Variants in ASAP3 observed in about 807,000 individuals in gnomAD.
ASAP3 encodes the protein ArfGAP with SH3 domain, ankyrin repeat and PH domain 3.
A neutral mutation model predicts 118.2 loss-of-function variants in ASAP3; 85 were observed. The ratio of observed to expected loss-of-function variants is 0.72; its 90% CI spans 0.60 to 0.86. The LOEUF is 0.86. Among genes scored for constraint, ASAP3 ranks in the 40% least tolerant of loss-of-function variants. ASAP3 has a pLI of 0.00. For missense variants in ASAP3, 1,026 were observed against 1,175.0 expected (o/e 0.87, Z 1.85); for synonymous variants, 432 against 477.4 (o/e 0.90, Z 1.24).
At chr1:23,443,298 C>T (rs1168222833) in intron 5 of ASAP3, among the ~76,000 whole-genome samples, 2 of 152,176 alleles carry the variant, frequency 1.3e-5, no homozygotes, top group East Asian at 3.8e-4. Flanking sequence ...TTAGAGTACC[C>T]ATCACCCGAA....
chr1:23,441,152 G>A lies in ASAP3; in HGVS notation c.894C>T (p.Asn298=). 6 of 1,614,190 alleles carry A rather than the reference G, an allele frequency of 3.7e-6. No homozygotes were observed. Among genetic ancestry groups the A allele is most frequent in the Non-Finnish European group, 5.1e-6 (6 of 1,180,032 alleles). The change falls in exon 10 of 25, where the codon AAC becomes AAT. Residue 298 remains asparagine, a synonymous_variant. Coordinates refer to ENST00000336689, the MANE Select transcript of ASAP3 (RefSeq NM_017707.4). ...CCACTTTCTCCGTCCCAAACTGCTT[G>A]TTGCCTTGGTGCTGGTGGATGCTAT... ...CGYSIHQHQG[N]KQFGTEKVGF... is the part of the protein sequence containing the mutation.
At chr1:23,432,004 A>ATATTTT in intron 22 of ASAP3, 86 bp from the exon 23 acceptor site, 2 of 622,650 alleles carry the variant, frequency 3.2e-6, no homozygotes, top group Non-Finnish European at 4.6e-6. Flanking sequence ...GGCCTCTAGG[A>ATATTTT]TTTTTTTTTT....
intron 1 of ASAP3, among the ~76,000 whole-genome samples, chr1:23,464,741 G>A (rs10157662): frequency 1.4e-5 from 2 of 144,780 alleles, no homozygotes; most frequent in East Asian, 4.0e-4. Context: ...GATAGTCAGA[G>A]ATTCTCAAGG....
chr1:23,468,376 C>G (rs967585712), intron 1 of ASAP3, among the ~76,000 whole-genome samples: 19 of 152,148 alleles, frequency 1.2e-4, no homozygotes, highest in African/African-American at 4.6e-4. Flanking sequence ...CCTTTAAAAG[C>G]ATTCTTGAAT....
chr1:23,454,363 T>C (rs989164587), intron 3 of ASAP3, among the ~76,000 whole-genome samples: 1 of 152,166 alleles, frequency 6.6e-6, no homozygotes, highest in African/African-American at 2.4e-5. Flanking sequence ...ATTTTTGTAT[T>C]TTTTCGCAAA....
At position 23,437,565 on chromosome 1, in the gene ASAP3, G is replaced by A; in HGVS notation, c.1103-93C>T. 1 of 1,474,966 alleles carries A rather than the reference G, an allele frequency of 6.8e-7. No homozygotes were observed. The highest frequency in any genetic ancestry group is 9.3e-7 in the Non-Finnish European group (1 of 1,070,056). The allele number at this position is 1,474,966 out of a possible 1,614,324, so 91.4% of individuals were successfully genotyped here. ...CCCACCAAAGCCGCTGGGGCCACAT[G>A]GAGATGTGTCCCTGACAAGTCGGAC... On this transcript the variant is annotated intron_variant, in intron 12 of 24. Coordinates refer to ENST00000336689, the MANE Select transcript of ASAP3 (RefSeq NM_017707.4). This position sits in a 1 kb window ranked among gnomAD's most constrained non-coding sequence, Gnocchi z 6.1.
intron 1 of ASAP3, among the ~76,000 whole-genome samples, chr1:23,458,585 G>A (rs1641463779): frequency 6.6e-6 from 1 of 152,018 alleles, no homozygotes; most frequent in South Asian, 2.1e-4. Context: ...GGGTGACAGA[G>A]AGAGCCCTGT....
chr1:23,468,619 T>C (rs1399863164), intron 1 of ASAP3, among the ~76,000 whole-genome samples: 1 of 152,036 alleles, frequency 6.6e-6, no homozygotes, highest in Non-Finnish European at 1.5e-5. Context: ...ACGCCTGTAA[T>C]CCCAGCACTT....
At position 23,436,073 on chromosome 1, in the gene ASAP3, C is replaced by T. The variant is rs752475807; in HGVS notation, c.1572-45G>A. 8.1e-6 allele frequency: 13 copies of T among 1,597,662 alleles called. No homozygotes were observed. Among genetic ancestry groups the T allele is most frequent in the Non-Finnish European group, 7.7e-6 (9 of 1,166,160 alleles). The stretch of plus-strand genomic sequence containing the variant: ...GATCTCAGAGCATGGACCGTGTCTG[C>T]CCAGCTGATCCCTGGGGCCCTCCCA... On this transcript the variant is annotated intron_variant, in intron 16 of 24. Transcript: ENST00000336689. The surrounding 1 kb of genome is among the most constrained non-coding windows in gnomAD (Gnocchi z 4.2).
At chr1:23,447,356 T>C (rs1641079804) in intron 5 of ASAP3, among the ~76,000 whole-genome samples, 4 of 152,200 alleles carry the variant, frequency 2.6e-5, no homozygotes. Flanking sequence ...TTTATTACTA[T>C]TATTGTTCAT....
Position 23,437,738 on chromosome 1 carries a change from G to A in ASAP3, c.1103-266C>T, listed in dbSNP as rs909274471. On this transcript the variant is annotated intron_variant, in intron 12 of 24. Coordinates refer to ENST00000336689, the MANE Select transcript of ASAP3 (RefSeq NM_017707.4). The surrounding 1 kb of genome is among the most constrained non-coding windows in gnomAD (Gnocchi z 6.1). Reference sequence around the variant, plus strand: ...GCTCAGACGAGGTCTCAAAGGGCTTGGAACCCCAGAGAACCCAGCTCTGAG... The same window carrying A: ...GCTCAGACGAGGTCTCAAAGGGCTTAGAACCCCAGAGAACCCAGCTCTGAG... Among the ~76,000 whole-genome samples, 1 of 152,136 alleles carries A rather than the reference G, an allele frequency of 6.6e-6. No homozygotes were observed. Among genetic ancestry groups the A allele is most frequent in the Non-Finnish European group, 1.5e-5 (1 of 68,016 alleles).
At chr1:23,471,344 G>A (rs1198150379) in intron 1 of ASAP3, among the ~76,000 whole-genome samples, 1 of 152,030 alleles carries the variant, frequency 6.6e-6, no homozygotes, top group Non-Finnish European at 1.5e-5. Context: ...TCCATCCTAT[G>A]CCCACTACAG....
chr1:23,463,649 T>C (rs1641667102), intron 1 of ASAP3, among the ~76,000 whole-genome samples: 1 of 152,228 alleles, frequency 6.6e-6, no homozygotes, highest in Admixed American at 6.5e-5. Context: ...TTGCCCAGCC[T>C]GGAGTGCAAT....
intron 1 of ASAP3, 94 bp downstream of exon 1, chr1:23,483,911 T>C (rs1037572196): frequency 1.7e-6 from 2 of 1,184,950 alleles, no homozygotes; most frequent in Non-Finnish European, 2.1e-6. Flanking sequence ...CGGGGCGCGG[T>C]GAAGGGCCAT....
At chr1:23,470,774 C>T (rs973025764) in intron 1 of ASAP3, among the ~76,000 whole-genome samples, 34 of 152,334 alleles carry the variant, frequency 2.2e-4, no homozygotes, top group African/African-American at 7.7e-4. Context: ...TCAGCCTTAC[C>T]GGCTGTCCCT....
At chr1:23,457,883 C>CA (rs1442727130) in intron 1 of ASAP3, among the ~76,000 whole-genome samples, 2 of 152,206 alleles carry the variant, frequency 1.3e-5, no homozygotes, top group Admixed American at 1.3e-4. Flanking sequence ...GCCTACCTCT[C>CA]AGGGTTGGTA....
intron 1 of ASAP3, among the ~76,000 whole-genome samples, chr1:23,464,172 T>C (rs1240521444): frequency 1.3e-5 from 2 of 148,188 alleles, no homozygotes; most frequent in Non-Finnish European, 3.0e-5. Flanking sequence ...CCCACCCCGA[T>C]CTATACCAAA....
At chr1:23,442,351 G>C in intron 6 of ASAP3, 80 bp from the exon 7 acceptor site, 10 of 1,567,362 alleles carry the variant, frequency 6.4e-6, no homozygotes, top group Non-Finnish European at 8.7e-6. Context: ...CCCCATCCCA[G>C]GCTAATCCTC....
At chr1:23,480,269 G>T (rs1642266592) in intron 1 of ASAP3, 1 of 152,188 alleles carries the variant, frequency 6.6e-6, no homozygotes. Context: ...ATTTGTGGCA[G>T]ACTGCTTCAT....
Sources: allele counts gnomAD v4.1 joint callset (sites outside exome capture counted in the v4.1 genomes callset), GRCh38; gene constraint gnomAD v4.1.1; non-coding constraint Gnocchi (gnomAD v3.1); transcripts MANE v1.5; gene names NCBI Gene and HGNC (gene_info 2026-07-23, HGNC 2026-07-21).